Variants in TMPRSS4 observed in about 807,000 individuals in gnomAD.
TMPRSS4 encodes transmembrane serine protease 4, also known as transmembrane protease serine 4.
A neutral mutation model predicts 56.4 loss-of-function variants in TMPRSS4; 45 were observed. That is an observed-to-expected ratio of 0.80 (90% confidence interval 0.63 to 1.02). The LOEUF is 1.02. TMPRSS4 is among the 50% of genes least tolerant of loss of function. TMPRSS4 has a pLI of 0.00. For synonymous variants in TMPRSS4, 205 were observed against 211.0 expected (o/e 0.97, Z 0.25); for missense variants, 546 against 556.7 (o/e 0.98, Z 0.19).
chr11:118,116,474 A>C (rs1947556168), intron 11 of TMPRSS4, among the ~76,000 whole-genome samples: 1 of 152,224 alleles, frequency 6.6e-6, no homozygotes, highest in Admixed American at 6.5e-5. Flanking sequence ...CCAGGGGCTA[A>C]AACAGCTGAT....
chr11:118,100,880 A>C (rs868107532), intron 3 of TMPRSS4, among the ~76,000 whole-genome samples: 3 of 152,186 alleles, frequency 2.0e-5, no homozygotes, highest in African/African-American at 7.2e-5. Context: ...CAGATTCTGC[A>C]ATCAGAGGTT....
intron 1 of TMPRSS4, among the ~76,000 whole-genome samples, chr11:118,089,710 G>A (rs541940683): frequency 8.5e-5 from 13 of 152,218 alleles, no homozygotes; most frequent in African/African-American, 2.9e-4. Flanking sequence ...GGCAGGGACT[G>A]TACTACAAGC....
At chr11:118,087,098 C>T (rs775048662) in intron 1 of TMPRSS4, among the ~76,000 whole-genome samples, 9 of 152,082 alleles carry the variant, frequency 5.9e-5, no homozygotes, top group East Asian at 1.9e-4. Flanking sequence ...CACCTAGCAA[C>T]AGCACCATCT....
chr11:118,078,388 G>A (rs1944860985), intron 1 of TMPRSS4, among the ~76,000 whole-genome samples: 1 of 152,002 alleles, frequency 6.6e-6, no homozygotes, highest in Non-Finnish European at 1.5e-5. Context: ...GGTGTGACCT[G>A]CAGGGGCCCC....
Position 118,119,734 on chromosome 11 carries a change from G to T in TMPRSS4, c.*1821G>T, listed in dbSNP as rs1298847998. On this transcript the variant is annotated 3_prime_UTR_variant, in exon 13 of 13. Coordinates refer to ENST00000437212, the MANE Select transcript of TMPRSS4 (RefSeq NM_019894.4). Reference sequence around the variant, plus strand: ...ATTATAGACTGTAAGTTGAACGTGAGCACTTGGAATACAGAGTTCATGCTG... The same window carrying T: ...ATTATAGACTGTAAGTTGAACGTGATCACTTGGAATACAGAGTTCATGCTG... 1 of 152,142 alleles carries T rather than the reference G, an allele frequency of 6.6e-6. No individual in the cohort carries two copies. Among genetic ancestry groups the T allele is most frequent in the Non-Finnish European group, 1.5e-5 (1 of 68,016 alleles). 9.4% of individuals were successfully genotyped at this position (152,142 alleles called of 1,614,324 possible). A position where few individuals can be genotyped will look rare whatever the true frequency, so the allele number is the denominator to read the frequency against.
chr11:118,104,944 T>G, intron 5 of TMPRSS4, 124 bp downstream of exon 5: 1 of 1,029,336 alleles, frequency 9.7e-7, no homozygotes, highest in Non-Finnish European at 1.4e-6. Flanking sequence ...GAATGGCTTT[T>G]GAATCCCAGC....
chr11:118,083,422 C>T lies in TMPRSS4; in HGVS notation c.3+6117C>T, dbSNP rs115258608. Among the ~76,000 whole-genome samples, 1,053 of 152,204 alleles carry T rather than the reference C, an allele frequency of 6.9e-3. 6 individuals are homozygous for T. The highest frequency in any genetic ancestry group is 0.023 in the African/African-American group (942 of 41,534). On this transcript the variant is annotated intron_variant, in intron 1 of 12. Coordinates refer to ENST00000437212, the MANE Select transcript of TMPRSS4 (RefSeq NM_019894.4). ...CTGCCCTGGTCACTGTCCCCAGATG[C>T]GCTTAGTCCACAGAGTCCCCTGCTG...
chr11:118,086,166 G>A (rs1302421099), intron 1 of TMPRSS4, among the ~76,000 whole-genome samples: 2 of 152,206 alleles, frequency 1.3e-5, no homozygotes, highest in African/African-American at 4.8e-5. Flanking sequence ...TGTGAAATAG[G>A]AATAGTTACA....
intron 1 of TMPRSS4, among the ~76,000 whole-genome samples, chr11:118,079,337 A>G (rs1218261095): frequency 1.3e-5 from 2 of 151,968 alleles, no homozygotes; most frequent in African/African-American, 4.8e-5. Flanking sequence ...CCATCCCCAC[A>G]GGCCCCTTTC....
intron 1 of TMPRSS4, among the ~76,000 whole-genome samples, chr11:118,083,062 C>T (rs550639057): frequency 2.9e-4 from 44 of 152,292 alleles, no homozygotes; most frequent in African/African-American, 8.9e-4. Flanking sequence ...TCCTCTGCTG[C>T]GCCGCTGCGG....
intron 5 of TMPRSS4, among the ~76,000 whole-genome samples, chr11:118,105,315 C>T (rs1946935342): frequency 6.6e-6 from 1 of 152,034 alleles, no homozygotes; most frequent in African/African-American, 2.4e-5. Context: ...AAAGCAGTTC[C>T]AAATCTGGAG....
At chr11:118,102,990 ACTCACACATG>A in intron 3 of TMPRSS4, 101 bp from the exon 4 acceptor site, 1 of 1,418,394 alleles carries the variant, frequency 7.1e-7, no homozygotes. Context: ...TGAGCCTGGA[ACTCACACATG>A]CGTGTCTGAG....
Position 118,118,194 on chromosome 11 carries a change from A to T in TMPRSS4, c.*281A>T, listed in dbSNP as rs1225403811. ...TGAACAAGGTCTCAGGGGTATTGCTAAGCCAAGAAGGAACTTTCCCACACT... is the reference window on the plus strand; with the variant it reads ...TGAACAAGGTCTCAGGGGTATTGCTTAGCCAAGAAGGAACTTTCCCACACT... On this transcript the variant is annotated 3_prime_UTR_variant, in exon 13 of 13. Transcript: ENST00000437212. The T allele has an allele frequency of 2.2e-6, 3 of 1,356,064 alleles. No homozygotes were observed. The African/African-American group carries it at 4.4e-5, about 20-fold the overall frequency. 84.0% of individuals were successfully genotyped at this position (1,356,064 alleles called of 1,614,324 possible).
intron 8 of TMPRSS4, 90 bp from the exon 9 acceptor site, chr11:118,113,179 A>C: frequency 1.5e-6 from 2 of 1,337,084 alleles, no homozygotes; most frequent in East Asian, 4.9e-5. Context: ...GACATCCAGC[A>C]CCCCGATCCC....
chr11:118,108,992 G>A lies in TMPRSS4; in HGVS notation c.583+96G>A. 4 of 1,399,388 alleles carry A rather than the reference G, an allele frequency of 2.9e-6. 1 individual carries two copies. In the South Asian group the frequency reaches 4.9e-5, roughly 17 times the overall value. 86.7% of individuals were successfully genotyped at this position (1,399,388 alleles called of 1,614,324 possible). ...CACTCCTAAATTTCTGGGACTCCAA[G>A]TTTCATTCTGCCTTGGTCTACAGCC... is the stretch of plus-strand genomic sequence containing the variant. On this transcript the variant is annotated intron_variant, in intron 7 of 12. Transcript: ENST00000437212.
At chr11:118,090,206 G>A (rs962371613) in intron 1 of TMPRSS4, among the ~76,000 whole-genome samples, 1 of 152,296 alleles carries the variant, frequency 6.6e-6, no homozygotes, top group African/African-American at 2.4e-5. Flanking sequence ...ATGTCACTGT[G>A]TGAATATACC....
At chr11:118,104,900 C>G in intron 5 of TMPRSS4, 80 bp downstream of exon 5, 1 of 1,430,346 alleles carries the variant, frequency 7.0e-7, no homozygotes, top group Non-Finnish European at 9.3e-7. Flanking sequence ...CTTCTTCTCT[C>G]TTTCCTAAAA....
At position 118,107,810 on chromosome 11, in the gene TMPRSS4, C is replaced by T. The variant is rs911679657; in HGVS notation, c.477C>T (p.Asp159=). ...PTFRAVEIGP[D]QDLDVVEITE... Reference sequence around the variant, plus strand: ...TCAGAGCTGTGGAGATTGGCCCAGACCAGGATCTGGATGTTGTTGAAATCA... The same window carrying T: ...TCAGAGCTGTGGAGATTGGCCCAGATCAGGATCTGGATGTTGTTGAAATCA... Residue 159 remains aspartate, a synonymous_variant, in exon 6 of 13, where the codon GAC becomes GAT. Transcript: ENST00000437212. 3 of 1,614,162 alleles carry T rather than the reference C, an allele frequency of 1.9e-6. No individual in the cohort carries two copies. The highest frequency in any genetic ancestry group is 2.7e-5 in the African/African-American group (2 of 75,034).
intron 7 of TMPRSS4, among the ~76,000 whole-genome samples, chr11:118,109,838 G>C (rs1482411005): frequency 2.0e-5 from 3 of 152,092 alleles, no homozygotes; most frequent in African/African-American, 7.2e-5. Context: ...CCCCTACCCC[G>C]GCCCCACAAT....
Sources: allele counts gnomAD v4.1 joint callset (sites outside exome capture counted in the v4.1 genomes callset), GRCh38; gene constraint gnomAD v4.1.1; transcripts MANE v1.5; gene names NCBI Gene and HGNC (gene_info 2026-07-23, HGNC 2026-07-21).